DMAC2: variants seen among roughly 807,000 people sequenced by gnomAD.
DMAC2 encodes distal membrane-arm assembly complex protein 2.
A neutral mutation model predicts 29.6 loss-of-function variants in DMAC2; 32 were observed. That is an observed-to-expected ratio of 1.08 (90% CI 0.81 to 1.45). DMAC2 has a LOEUF of 1.45. Ranked by LOEUF, DMAC2 falls within the 40% of genes most tolerant of loss-of-function variation. DMAC2 has a pLI of 0.00. For synonymous variants in DMAC2, 133 were observed against 137.4 expected (o/e 0.97, Z 0.23); for missense variants, 319 against 340.0 (o/e 0.94, Z 0.49).
intron 3 of DMAC2, among the ~76,000 whole-genome samples, chr19:41,436,119 G>A (rs1204346315): frequency 2.6e-5 from 4 of 152,022 alleles, no homozygotes; most frequent in Admixed American, 2.6e-4. Flanking sequence ...CAGGTGATCC[G>A]CCCGCCTTGG....
chr19:41,432,869 CGTGT>C (rs144379734), intron 5 of DMAC2: 7,106 of 396,208 alleles, frequency 0.018, 132 homozygotes, highest in South Asian at 0.045. Context: ...TGTGTGCGTG[CGTGT>C]GTGTGTGTGC....
In DMAC2 at chr19:41,433,267, C is replaced by G. The variant is rs782340254; in HGVS notation, c.596+5G>C. The G allele has an allele frequency of 2.5e-6, 4 of 1,605,344 alleles. No homozygotes were observed. The highest frequency in any genetic ancestry group is 2.0e-4 in the Middle Eastern group (1 of 5,056). On this transcript the variant is annotated splice_donor_5th_base_variant and intron_variant, in intron 5 of 5. Transcript: ENST00000221943. ...CATGTGGCCCAGCCTGAGCTGAGGTCTCACTGGAGGTGGTGGAGGCAGGCG... is the reference window on the plus strand; with the variant it reads ...CATGTGGCCCAGCCTGAGCTGAGGTGTCACTGGAGGTGGTGGAGGCAGGCG...
Position 41,433,646 on chromosome 19 carries a change from T to G in DMAC2, c.324A>C (p.Pro108=). 6.2e-7 allele frequency: 1 copy of G among 1,614,220 alleles called. No homozygotes were observed. The highest frequency in any genetic ancestry group is 1.1e-5 in the South Asian group (1 of 91,086). ...VKFRDKEWIR[P]DKYGHFSQEF... Reference sequence around the variant, plus strand: ...CCTGAGAGAAATGGCCATACTTATCTGGCCTGATCCACTCCTTGTCTCGAA... The same window carrying G: ...CCTGAGAGAAATGGCCATACTTATCGGGCCTGATCCACTCCTTGTCTCGAA... Residue 108 remains proline, a synonymous_variant, in exon 4 of 6, where the codon CCA becomes CCC. Coordinates refer to ENST00000221943, the MANE Select transcript of DMAC2 (RefSeq NM_018035.3).
At chr19:41,432,531 G>T in intron 5 of DMAC2, 123 bp from the exon 6 acceptor site, 1 of 883,718 alleles carries the variant, frequency 1.1e-6, no homozygotes, top group Non-Finnish European at 1.8e-6. Flanking sequence ...TGTAAGGACA[G>T]CGTGTGTGTG....
At chr19:41,432,476 A>G (rs1050654224) in intron 5 of DMAC2, 68 bp from the exon 6 acceptor site, 11 of 1,506,704 alleles carry the variant, frequency 7.3e-6, no homozygotes, top group African/African-American at 1.4e-5. Flanking sequence ...AGGGAGGTAC[A>G]GGACAGCGTG....
chr19:41,433,821 T>C, intron 3 of DMAC2, 148 bp from the exon 4 acceptor site: 1 of 1,128,504 alleles, frequency 8.9e-7, no homozygotes, highest in Non-Finnish European at 1.2e-6. Context: ...CATCTGGCTG[T>C]GCGCAGTGGC....
At position 41,431,591 on chromosome 19, in the gene DMAC2, A is replaced by C. The variant is rs966907995; in HGVS notation, c.*640T>G. ...CATGCACTGCGGCGTCCAGAGGCAG[A>C]AGCACAACCAACAAGAACCACGAAG... On this transcript the variant is annotated 3_prime_UTR_variant, in exon 6 of 6. Transcript: ENST00000221943. 1 of 301,436 alleles carries C rather than the reference A, an allele frequency of 3.3e-6. No individual in the cohort carries two copies. The highest frequency in any genetic ancestry group is 2.2e-5 in the African/African-American group (1 of 45,646). The allele number at this position is 301,436 out of a possible 1,614,324, so 18.7% of individuals were successfully genotyped here. A position where few individuals can be genotyped will look rare whatever the true frequency, so the allele number is the denominator to read the frequency against.
intron 5 of DMAC2, chr19:41,432,635 TAGGGAG>T (rs1765307623): frequency 2.1e-6 from 1 of 473,440 alleles, no homozygotes; most frequent in Admixed American, 3.5e-5. Flanking sequence ...TGTGTGTGTG[TAGGGAG>T]GTACAGGACA....
intron 5 of DMAC2, chr19:41,432,619 T>C (rs1450626394): frequency 9.5e-6 from 3 of 317,334 alleles, no homozygotes; most frequent in Non-Finnish European, 1.7e-5. Context: ...AAGGACAGCA[T>C]GTGTGTGTGT....
chr19:41,435,136 T>G (rs137928677), intron 3 of DMAC2, among the ~76,000 whole-genome samples: 2 of 152,286 alleles, frequency 1.3e-5, no homozygotes, highest in African/African-American at 4.8e-5. Flanking sequence ...TGCACCACCA[T>G]GCCTGGGTAA....
chr19:41,439,573 C>T (rs576177602), intron 1 of DMAC2: 1 of 1,528,622 alleles, frequency 6.5e-7, no homozygotes, highest in East Asian at 2.4e-5. Context: ...TCCATTAGCT[C>T]CTTGTGTCAT....
At chr19:41,432,630 G>A (rs1484700711) in intron 5 of DMAC2, 8 of 542,424 alleles carry the variant, frequency 1.5e-5, no homozygotes, top group Non-Finnish European at 2.3e-5. Context: ...GTGTGTGTGT[G>A]TGTGTAGGGA....
rs567821231 is a variant in DMAC2, at chr19:41,435,591, G to A, written c.296+801C>T. On this transcript the variant is annotated intron_variant, in intron 3 of 5. Transcript: ENST00000221943. ...GGCCTATTATTATTTTTTGTGATGA[G>A]GTCTCCCTGTGTTGCCCAGGCTAGA... Among the ~76,000 whole-genome samples the A allele has an allele frequency of 2.5e-3, 370 of 150,446 alleles. 1 individual carries two copies. Among genetic ancestry groups the A allele is most frequent in the Non-Finnish European group, 3.8e-3 (257 of 67,576 alleles).
Position 41,433,444 on chromosome 19 carries a change from G to A in DMAC2, c.434-10C>T. 1.2e-6 allele frequency: 2 copies of A among 1,613,098 alleles called. No homozygotes were observed. Among genetic ancestry groups the A allele is most frequent in the Non-Finnish European group, 1.7e-6 (2 of 1,179,158 alleles). On this transcript the variant is annotated splice_polypyrimidine_tract_variant and intron_variant, in intron 4 of 5. Transcript: ENST00000221943. ...AGCTCCTTCAGGCGGACTGCGGTGG[G>A]GAGAGGGTGGGATGGCACCAGGAGC... is the stretch of plus-strand genomic sequence containing the variant.
chr19:41,433,822 G>A, intron 3 of DMAC2, 149 bp from the exon 4 acceptor site: 1 of 1,116,388 alleles, frequency 9.0e-7, no homozygotes, highest in Non-Finnish European at 1.3e-6. Context: ...ATCTGGCTGT[G>A]CGCAGTGGCT....
In DMAC2 at chr19:41,431,983, C is replaced by A; in HGVS notation, c.*248G>T. On this transcript the variant is annotated 3_prime_UTR_variant, in exon 6 of 6. Coordinates refer to ENST00000221943, the MANE Select transcript of DMAC2 (RefSeq NM_018035.3). ...TCTCTGCGGCTACTAACAGCCTGAGCCTTTACCTCCCCAGGCCTGAACAGG... is the reference window on the plus strand; with the variant it reads ...TCTCTGCGGCTACTAACAGCCTGAGACTTTACCTCCCCAGGCCTGAACAGG... The A allele has an allele frequency of 1.8e-6, 1 of 558,628 alleles. No individual in the cohort carries two copies. The highest frequency in any genetic ancestry group is 2.2e-5 in the South Asian group (1 of 45,740). The allele number at this position is 558,628 out of a possible 1,614,324, so 34.6% of individuals were successfully genotyped here. A position where few individuals can be genotyped will look rare whatever the true frequency, so the allele number is the denominator to read the frequency against.
Position 41,433,271 on chromosome 19 carries a change from C to T in DMAC2, c.596+1G>A, listed in dbSNP as rs1555769970. 2.5e-6 allele frequency: 4 copies of T among 1,606,846 alleles called. No individual in the cohort carries two copies. The highest frequency in any genetic ancestry group is 2.2e-5 in the South Asian group (2 of 90,724). On this transcript the variant is annotated splice_donor_variant, in intron 5 of 5. Coordinates refer to ENST00000221943, the MANE Select transcript of DMAC2 (RefSeq NM_018035.3). LOFTEE classifies it high-confidence loss of function. ...TGGCCCAGCCTGAGCTGAGGTCTCA[C>T]TGGAGGTGGTGGAGGCAGGCGAGGC...
At chr19:41,436,297 A>G in intron 3 of DMAC2, 95 bp downstream of exon 3, 1 of 1,057,964 alleles carries the variant, frequency 9.5e-7, no homozygotes, top group South Asian at 1.3e-5. Context: ...GGCAGAGACC[A>G]GGGGACTCTG....
intron 2 of DMAC2, 33 bp from the exon 3 acceptor site, chr19:41,436,505 T>A: frequency 6.3e-7 from 1 of 1,587,960 alleles, no homozygotes; most frequent in Non-Finnish European, 8.6e-7. Context: ...GGGTGAGGCC[T>A]GGGGAGCACC....
Sources: allele counts gnomAD v4.1 joint callset (sites outside exome capture counted in the v4.1 genomes callset), GRCh38; gene constraint gnomAD v4.1.1; transcripts MANE v1.5; gene names NCBI Gene and HGNC (gene_info 2026-07-23, HGNC 2026-07-21).